The following TRIM33 variants were observed in gnomAD, a reference collection of about 807,000 sequenced individuals.
TRIM33 encodes the protein E3 ubiquitin-protein ligase TRIM33.
TRIM33 carries 20 observed loss-of-function variants against 125.4 expected under a neutral mutation model. The ratio of observed to expected loss-of-function variants is 0.16; its 90% CI spans 0.11 to 0.23. The LOEUF is 0.23. Ranked by LOEUF, TRIM33 falls within the 10% of genes least tolerant of loss-of-function variation. The pLI, the probability that TRIM33 is intolerant of heterozygous loss-of-function variation, is 1.00. For missense variants in TRIM33, 920 were observed against 1,411.4 expected (o/e 0.65, Z 5.58); for synonymous variants, 564 against 513.9 (o/e 1.10, Z -1.32).
intron 1 of TRIM33, among the ~76,000 whole-genome samples, chr1:114,504,814 G>A (rs1049699822): frequency 2.0e-5 from 3 of 152,158 alleles, no homozygotes; most frequent in Non-Finnish European, 4.4e-5. Flanking sequence ...ACAAGATCTA[G>A]GTAACTAGAA....
In TRIM33 at chr1:114,397,594, T is replaced by TG. The variant is rs1557838176; in HGVS notation, c.*53_*54insC. 1.5e-5 allele frequency: 15 copies of TG among 992,030 alleles called. No individual in the cohort carries two copies. In the East Asian group the frequency reaches 2.4e-4, roughly 16 times the overall value. 61.5% of individuals were successfully genotyped at this position (992,030 alleles called of 1,614,324 possible). On this transcript the variant is annotated 3_prime_UTR_variant, in exon 20 of 20. Transcript: ENST00000358465. ...AAGTTTTCTGGGTTTTTTGTGTTTT[T>TG]TTTTTTTTTTTCGTTTTTTTTTTTT... is the stretch of plus-strand genomic sequence containing the variant.
intron 14 of TRIM33, 47 bp downstream of exon 14, chr1:114,406,882 CTGAAAGAATCAA>C: frequency 4.6e-6 from 7 of 1,536,940 alleles, no homozygotes; most frequent in Non-Finnish European, 5.3e-6. Context: ...ATACTCAGAG[CTGAAAGAATCAA>C]TGAAGTGATG....
chr1:114,478,470 G>C (rs1413398103), intron 1 of TRIM33, among the ~76,000 whole-genome samples: 1 of 152,108 alleles, frequency 6.6e-6, no homozygotes, highest in Admixed American at 6.6e-5. Context: ...GAAGGGCTAA[G>C]ATCAACTCTC....
chr1:114,413,514 T>C (rs1322000709), intron 11 of TRIM33, among the ~76,000 whole-genome samples: 1 of 141,108 alleles, frequency 7.1e-6, no homozygotes, highest in Non-Finnish European at 1.5e-5. Context: ...GTCAAGATCG[T>C]GCTATTGCAC....
At chr1:114,508,123 AT>A (rs1216228810) in intron 1 of TRIM33, among the ~76,000 whole-genome samples, 1 of 152,000 alleles carries the variant, frequency 6.6e-6, no homozygotes. Context: ...TCAAAAAAAA[AT>A]TTTTTTTAAT....
At chr1:114,493,596 T>A (rs1007764240) in intron 1 of TRIM33, among the ~76,000 whole-genome samples, 2 of 152,132 alleles carry the variant, frequency 1.3e-5, no homozygotes, top group Admixed American at 1.3e-4. Context: ...GTTGATATAT[T>A]TTGAGTTAAC....
intron 1 of TRIM33, among the ~76,000 whole-genome samples, chr1:114,473,253 T>A (rs1419027980): frequency 7.3e-6 from 1 of 137,166 alleles, no homozygotes; most frequent in Non-Finnish European, 1.6e-5. Flanking sequence ...CGAGACTCTG[T>A]CTCAAAAAAA....
chr1:114,474,379 G>T (rs1450043070), intron 1 of TRIM33, among the ~76,000 whole-genome samples: 1 of 150,726 alleles, frequency 6.6e-6, no homozygotes, highest in East Asian at 2.0e-4. Flanking sequence ...GCCAGCCTGG[G>T]TGACACAGCA....
intron 10 of TRIM33, among the ~76,000 whole-genome samples, chr1:114,422,569 C>T (rs1418873033): frequency 2.6e-5 from 4 of 152,060 alleles, no homozygotes; most frequent in Admixed American, 2.0e-4. Flanking sequence ...TTCGCAACTG[C>T]CCTTCCTCCA....
chr1:114,456,770 G>C (rs564375740), intron 4 of TRIM33, among the ~76,000 whole-genome samples: 1 of 152,178 alleles, frequency 6.6e-6, no homozygotes, highest in Admixed American at 6.5e-5. Flanking sequence ...GTATACTGAT[G>C]ATGTCATGAT....
intron 4 of TRIM33, among the ~76,000 whole-genome samples, chr1:114,455,609 A>T (rs1649570614): frequency 6.6e-6 from 1 of 152,176 alleles, no homozygotes; most frequent in Non-Finnish European, 1.5e-5. Flanking sequence ...GGAAGATGGA[A>T]ATCTACAGAT....
At chr1:114,475,631 G>A (rs377679391) in intron 1 of TRIM33, among the ~76,000 whole-genome samples, 2 of 152,098 alleles carry the variant, frequency 1.3e-5, no homozygotes, top group Admixed American at 6.6e-5. Flanking sequence ...GCAGTGAGCC[G>A]AGATGGCGCC....
intron 1 of TRIM33, 146 bp downstream of exon 1, chr1:114,510,405 G>T: frequency 1.5e-6 from 1 of 686,372 alleles, no homozygotes; most frequent in Non-Finnish European, 2.2e-6. Flanking sequence ...TCTGGAAAGT[G>T]TCCCAGGGGC....
chr1:114,430,973 T>TGTTC lies in TRIM33; in HGVS notation c.1041-62_1041-61insGAAC, dbSNP rs1647914960. 13 of 962,856 alleles carry TGTTC rather than the reference T, an allele frequency of 1.4e-5. No individual in the cohort carries two copies. The South Asian group carries it at 1.8e-4, about 13-fold the overall frequency. The allele number at this position is 962,856 out of a possible 1,614,324, so 59.6% of individuals were successfully genotyped here. A position where few individuals can be genotyped will look rare whatever the true frequency, so the allele number is the denominator to read the frequency against. On this transcript the variant is annotated intron_variant, in intron 5 of 19. Transcript: ENST00000358465. Reference sequence around the variant, plus strand: ...TATCCTAGGTCTCTGAATCATCAACTGTTACAGAAATTCATCCAACTGGGC... The same window carrying TGTTC: ...TATCCTAGGTCTCTGAATCATCAACTGTTCGTTACAGAAATTCATCCAACTGGGC...
At chr1:114,431,168 T>C (rs1647927623) in intron 5 of TRIM33, among the ~76,000 whole-genome samples, 1 of 152,202 alleles carries the variant, frequency 6.6e-6, no homozygotes, top group Non-Finnish European at 1.5e-5. Flanking sequence ...TGGATGGCAA[T>C]CTACTTAAGT....
At chr1:114,470,745 G>A (rs546198154) in intron 1 of TRIM33, among the ~76,000 whole-genome samples, 1 of 152,306 alleles carries the variant, frequency 6.6e-6, no homozygotes, top group African/African-American at 2.4e-5. Context: ...GCCAAGACAG[G>A]CCAATGCTAG....
chr1:114,475,707 G>T (rs1167135059), intron 1 of TRIM33, among the ~76,000 whole-genome samples: 5 of 151,350 alleles, frequency 3.3e-5, no homozygotes, highest in Admixed American at 6.6e-5. Context: ...GTTTAACAAA[G>T]CAAAAGAGAA....
At chr1:114,454,899 T>G (rs986959168) in intron 4 of TRIM33, among the ~76,000 whole-genome samples, 26 of 152,072 alleles carry the variant, frequency 1.7e-4, no homozygotes, top group Non-Finnish European at 1.5e-5. Context: ...GGAGGTAGTC[T>G]AGGTATGAGA....
intron 4 of TRIM33, among the ~76,000 whole-genome samples, chr1:114,457,983 CA>C (rs1389188832): frequency 6.6e-6 from 1 of 152,210 alleles, no homozygotes; most frequent in African/African-American, 2.4e-5. Flanking sequence ...ACTGCCTTTG[CA>C]AAATTATAAC....
Sources: allele counts gnomAD v4.1 joint callset (sites outside exome capture counted in the v4.1 genomes callset), GRCh38; gene constraint gnomAD v4.1.1; transcripts MANE v1.5; gene names NCBI Gene and HGNC (gene_info 2026-07-23, HGNC 2026-07-21).